The following SARM1 variants were observed in gnomAD, a reference collection of about 807,000 sequenced individuals.
SARM1 encodes NAD(+) hydrolase SARM1.
SARM1 carries 60 observed loss-of-function variants against 65.1 expected under a neutral mutation model. The observed-to-expected ratio is 0.92, with a 90% CI of 0.75 to 1.14. The LOEUF is 1.14. Among genes scored for constraint, SARM1 ranks in the 50% most tolerant of loss-of-function variants. The probability of loss-of-function intolerance (pLI) is 0.00; values close to 1 mark genes in which losing one functional copy is unlikely to be tolerated. For missense variants in SARM1, 913 were observed against 1,015.7 expected, an observed-to-expected ratio of 0.90 and a Z score of 1.37; for synonymous variants, 417 against 465.4, an observed-to-expected ratio of 0.90 and a Z score of 1.34.
chr17:28,403,675 A>T lies in SARM1; in HGVS notation c.*7389A>T, dbSNP rs1597833672. The T allele has an allele frequency of 6.6e-6, 1 of 152,056 alleles. No homozygotes were observed. Among genetic ancestry groups the T allele is most frequent in the East Asian group, 1.9e-4 (1 of 5,196 alleles). 9.4% of individuals were successfully genotyped at this position (152,056 alleles called of 1,614,324 possible). ...GATTATTGTATTGTTGACTATACAC[A>T]GCACATTTTAGGGCTCTATCAAAAT... On this transcript the variant is annotated 3_prime_UTR_variant, in exon 9 of 9. Transcript: ENST00000585482.
chr17:28,395,710 A>C, intron 7 of SARM1, 195 bp from the exon 8 acceptor site: 2 of 587,428 alleles, frequency 3.4e-6, no homozygotes, highest in Non-Finnish European at 6.0e-6. Flanking sequence ...GCTCTGTGCC[A>C]GGAACTCTGG....
At position 28,372,486 on chromosome 17, in the gene SARM1, C is replaced by G. The variant is rs1387150811; in HGVS notation, c.454C>G (p.Leu152Val). 6 of 1,529,054 alleles carry G rather than the reference C, an allele frequency of 3.9e-6. No individual in the cohort carries two copies. Among genetic ancestry groups the G allele is most frequent in the Admixed American group, 2.0e-5 (1 of 50,782 alleles). The allele number at this position is 1,529,054 out of a possible 1,614,324, so 94.7% of individuals were successfully genotyped here. A position where few individuals can be genotyped will look rare whatever the true frequency, so the allele number is the denominator to read the frequency against. Residue 152 changes from leucine to valine, a missense_variant, in exon 1 of 9, where the codon CTG becomes GTG. Physicochemically the swap from Leu to Val is conservative, Grantham distance 32. Coordinates refer to ENST00000585482, the MANE Select transcript of SARM1 (RefSeq NM_015077.4). This position sits in a 1 kb window ranked among gnomAD's most constrained non-coding sequence, Gnocchi z 5.2. ...GGCCGCGCGCCTGCTGGAGCAGATC[C>G]TGGTGGCTGAGAACCGGTGAGCGCG... ...VQAARLLEQILVAENRDRVAR... is the reference protein window; with the variant it reads ...VQAARLLEQIVVAENRDRVAR...
chr17:28,378,061 T>C (rs1442178168), intron 1 of SARM1, among the ~76,000 whole-genome samples: 1 of 152,202 alleles, frequency 6.6e-6, no homozygotes, highest in Non-Finnish European at 1.5e-5. Context: ...TACCAGGATG[T>C]GGCAACTCTC....
chr17:28,396,339 T>C lies in SARM1; in HGVS notation c.*53T>C. The C allele has an allele frequency of 6.2e-7, 1 of 1,605,512 alleles. No individual in the cohort carries two copies. On this transcript the variant is annotated 3_prime_UTR_variant, in exon 9 of 9. Transcript: ENST00000585482. ...TGACTTCCATTTCCATCGTCCTTTCTGAAGGAACAGCTCCTGAAACCAGTC... is the reference window on the plus strand; with the variant it reads ...TGACTTCCATTTCCATCGTCCTTTCCGAAGGAACAGCTCCTGAAACCAGTC...
At chr17:28,378,645 T>G (rs987950107) in intron 1 of SARM1, among the ~76,000 whole-genome samples, 1 of 152,118 alleles carries the variant, frequency 6.6e-6, no homozygotes, top group Non-Finnish European at 1.5e-5. Context: ...TGTTTTTTGT[T>G]TTTTGGGTTT....
At chr17:28,390,463 G>A (rs1350142706) in intron 7 of SARM1, among the ~76,000 whole-genome samples, 1 of 152,198 alleles carries the variant, frequency 6.6e-6, no homozygotes, top group Non-Finnish European at 1.5e-5. Flanking sequence ...TTTCCCACAA[G>A]AGACAAACTT....
rs1256609760 is a variant in SARM1 at position 28,371,798 on chromosome 17, C to G, written c.-235C>G. On this transcript the variant is annotated 5_prime_UTR_variant, in exon 1 of 9. Coordinates refer to ENST00000585482, the MANE Select transcript of SARM1 (RefSeq NM_015077.4). ...CCATCCCTCGCCTGCTCGCTCTCTC[C>G]TTTCGCCCACTCCCTGCATCTGGGC... 7.2e-6 allele frequency: 3 copies of G among 415,932 alleles called. No individual in the cohort carries two copies. The highest frequency in any genetic ancestry group is 6.2e-5 in the African/African-American group (3 of 48,162). 25.8% of individuals were successfully genotyped at this position (415,932 alleles called of 1,614,324 possible).
Position 28,400,863 on chromosome 17 carries a change from T to A in SARM1, c.*4577T>A. On this transcript the variant is annotated 3_prime_UTR_variant, in exon 9 of 9. Coordinates refer to ENST00000585482, the MANE Select transcript of SARM1 (RefSeq NM_015077.4). ...AGCTGTGTGACCGGGAGTAGTCACTTAACCTATGTCTCCCCTTCCTCACCA... is the reference window on the plus strand; with the variant it reads ...AGCTGTGTGACCGGGAGTAGTCACTAAACCTATGTCTCCCCTTCCTCACCA... 9.1e-7 allele frequency: 1 copy of A among 1,098,310 alleles called. No homozygotes were observed. Among genetic ancestry groups the A allele is most frequent in the Non-Finnish European group, 1.3e-6 (1 of 741,376 alleles). The allele number at this position is 1,098,310 out of a possible 1,614,324, so 68.0% of individuals were successfully genotyped here.
intron 7 of SARM1, among the ~76,000 whole-genome samples, chr17:28,394,324 G>A (rs1256616931): frequency 6.6e-6 from 1 of 152,222 alleles, no homozygotes; most frequent in African/African-American, 2.4e-5. Context: ...GTGGGGTGGA[G>A]GTAGGGAAAA....
chr17:28,384,683 G>A lies in SARM1; in HGVS notation c.1302+114G>A. On this transcript the variant is annotated intron_variant, in intron 3 of 8. Coordinates refer to ENST00000585482, the MANE Select transcript of SARM1 (RefSeq NM_015077.4). The surrounding 1 kb of genome is among the most constrained non-coding windows in gnomAD (Gnocchi z 4.4). Reference sequence around the variant, plus strand: ...GGCGCCAGGGTCGCTTTTGGGGGCGGGGAGCCTGTACGCAGCCACCGTTAG... The same window carrying A: ...GGCGCCAGGGTCGCTTTTGGGGGCGAGGAGCCTGTACGCAGCCACCGTTAG... 2 of 1,284,394 alleles carry A rather than the reference G, an allele frequency of 1.6e-6. No homozygotes were observed. Among genetic ancestry groups the A allele is most frequent in the African/African-American group, 1.5e-5 (1 of 67,584 alleles). The allele number at this position is 1,284,394 out of a possible 1,614,324, so 79.6% of individuals were successfully genotyped here. A position where few individuals can be genotyped will look rare whatever the true frequency, so the allele number is the denominator to read the frequency against.
In SARM1 at chr17:28,371,995, G is replaced by A. The variant is rs781857890; in HGVS notation, c.-38G>A. The stretch of plus-strand genomic sequence containing the variant: ...AACCCGGGTCTCTCCGCGTGGCCCC[G>A]CCTCCAGGCCGGGGATGTCCCCCGC... On this transcript the variant is annotated 5_prime_UTR_variant, in exon 1 of 9. Coordinates refer to ENST00000585482, the MANE Select transcript of SARM1 (RefSeq NM_015077.4). 1.5e-5 allele frequency: 21 copies of A among 1,410,438 alleles called. No homozygotes were observed. In the Admixed American group the frequency reaches 6.0e-4, roughly 40 times the overall value. The allele number at this position is 1,410,438 out of a possible 1,614,324, so 87.4% of individuals were successfully genotyped here.
At chr17:28,392,181 G>A (rs1281422223) in intron 7 of SARM1, among the ~76,000 whole-genome samples, 6 of 150,926 alleles carry the variant, frequency 4.0e-5, no homozygotes, top group African/African-American at 9.8e-5. Flanking sequence ...GATCTTGGTC[G>A]GCTCACTGCA....
Position 28,400,442 on chromosome 17 carries a change from C to T in SARM1, c.*4156C>T. ...TCGCCATCTCGCCCTTGGAAAATGG[C>T]TCCTGGAGGATTAGGCAGCCATCTG... On this transcript the variant is annotated 3_prime_UTR_variant, in exon 9 of 9. Transcript: ENST00000585482. 1.2e-6 allele frequency: 1 copy of T among 818,898 alleles called. No individual in the cohort carries two copies. Among genetic ancestry groups the T allele is most frequent in the Non-Finnish European group, 1.9e-6 (1 of 534,548 alleles). The allele number at this position is 818,898 out of a possible 1,614,324, so 50.7% of individuals were successfully genotyped here.
rs1597831859 is a variant in SARM1, at chr17:28,401,481, C to T, written c.*5195C>T. ...AGAGTCTCTGTCATCATCAGATCCTCATTCCAGGACAGATGGAAAAAGATG... is the reference window on the plus strand; with the variant it reads ...AGAGTCTCTGTCATCATCAGATCCTTATTCCAGGACAGATGGAAAAAGATG... On this transcript the variant is annotated 3_prime_UTR_variant, in exon 9 of 9. Coordinates refer to ENST00000585482, the MANE Select transcript of SARM1 (RefSeq NM_015077.4). 6.6e-6 allele frequency: 1 copy of T among 152,668 alleles called. No homozygotes were observed. Among genetic ancestry groups the T allele is most frequent in the African/African-American group, 2.4e-5 (1 of 41,576 alleles). 9.5% of individuals were successfully genotyped at this position (152,668 alleles called of 1,614,324 possible).
At position 28,381,302 on chromosome 17, in the gene SARM1, C is replaced by T. The variant is rs782007349; in HGVS notation, c.570C>T (p.His190=). The T allele has an allele frequency of 1.9e-5, 30 of 1,603,526 alleles. No individual in the cohort carries two copies. Among genetic ancestry groups the T allele is most frequent in the African/African-American group, 6.7e-5 (5 of 74,834 alleles). The change falls in exon 2 of 9, where the codon CAC becomes CAT. Residue 190 remains histidine (H), a synonymous_variant. Transcript: ENST00000585482. ...LARSVAGILE[H]MFKHSEETCQ... is the part of the protein sequence containing the mutation. Reference sequence around the variant, plus strand: ...GGAGCGTGGCAGGCATCTTGGAGCACATGTTCAAGCATTCGGAGGAGACAT... The same window carrying T: ...GGAGCGTGGCAGGCATCTTGGAGCATATGTTCAAGCATTCGGAGGAGACAT...
In SARM1 at chr17:28,384,288, G is replaced by T; in HGVS notation, c.1090-69G>T. On this transcript the variant is annotated intron_variant, in intron 2 of 8. Transcript: ENST00000585482. This position sits in a 1 kb window ranked among gnomAD's most constrained non-coding sequence, Gnocchi z 4.4. Reference sequence around the variant, plus strand: ...GGTTGTGAGAAGAGACAAGGAGAGGGACTGGGCACGTGTGGGAGCACCTGG... The same window carrying T: ...GGTTGTGAGAAGAGACAAGGAGAGGTACTGGGCACGTGTGGGAGCACCTGG... 7.7e-7 allele frequency: 1 copy of T among 1,300,336 alleles called. No homozygotes were observed. The highest frequency in any genetic ancestry group is 1.1e-6 in the Non-Finnish European group (1 of 940,752). The allele number at this position is 1,300,336 out of a possible 1,614,324, so 80.5% of individuals were successfully genotyped here.
intron 1 of SARM1, among the ~76,000 whole-genome samples, chr17:28,378,924 C>T (rs2068007052): frequency 6.6e-6 from 1 of 152,162 alleles, no homozygotes; most frequent in African/African-American, 2.4e-5. Flanking sequence ...ACTTGGACCT[C>T]CCTGCAAATC....
At chr17:28,392,904 T>C (rs906792460) in intron 7 of SARM1, among the ~76,000 whole-genome samples, 1 of 152,202 alleles carries the variant, frequency 6.6e-6, no homozygotes, top group Non-Finnish European at 1.5e-5. Context: ...TAATTGCCTC[T>C]GGTTTTAAAA....
At chr17:28,377,453 A>T (rs1567805470) in intron 1 of SARM1, among the ~76,000 whole-genome samples, 1 of 152,328 alleles carries the variant, frequency 6.6e-6, no homozygotes, top group African/African-American at 2.4e-5. Flanking sequence ...AAACAAAAAA[A>T]ATCAGCCAGA....
Sources: gnomAD v4.1 joint callset for allele counts (sites outside exome capture counted in the v4.1 genomes callset) on GRCh38, gnomAD v4.1.1 for gene constraint, Gnocchi (gnomAD v3.1) non-coding constraint, MANE v1.5 for transcripts, NCBI Gene and HGNC (gene_info 2026-07-23, HGNC 2026-07-21) for gene names.